The following HDAC9 variants were observed in gnomAD, a reference collection of about 807,000 sequenced individuals.
HDAC9 encodes the protein MEF-2 interacting transcription repressor (MITR) protein.
A neutral mutation model predicts 139.4 loss-of-function variants in HDAC9; 41 were observed. That is an observed-to-expected ratio of 0.29 (90% CI 0.23 to 0.38). The LOEUF is 0.38. Among genes scored for constraint, HDAC9 ranks in the 10% least tolerant of loss-of-function variants. The pLI is 1.00. For synonymous variants in HDAC9, 517 were observed against 476.2 expected (o/e 1.09, Z -1.12); for missense variants, 1,147 against 1,297.0 (o/e 0.88, Z 1.78).
intron 14 of HDAC9, among the ~76,000 whole-genome samples, chr7:18,761,773 T>C (rs1350058020): frequency 6.6e-6 from 1 of 152,216 alleles, no homozygotes; most frequent in Non-Finnish European, 1.5e-5. Context: ...ATAAAGAGTG[T>C]GTTCTAACAA....
chr7:18,496,087 A>C, intron 1 of HDAC9, 64 bp downstream of exon 1: 1 of 1,421,876 alleles, frequency 7.0e-7, no homozygotes, highest in Non-Finnish European at 9.3e-7. Flanking sequence ...AGCAGAAAGG[A>C]AATCATTGTC....
At position 18,666,444 on chromosome 7, in the gene HDAC9, G is replaced by C. The variant is rs1219077385; in HGVS notation, c.1699G>C (p.Glu567Gln). The C allele has an allele frequency of 5.6e-6, 9 of 1,611,402 alleles. No individual in the cohort carries two copies. The highest frequency in any genetic ancestry group is 2.7e-5 in the African/African-American group (2 of 74,866). Residue 567 changes from glutamate to glutamine, a missense_variant, in exon 12 of 26, where the codon GAA becomes CAA. This residue lies in a region of HDAC9 where 256 missense variants were observed against 219.2 expected (regional missense o/e 1.17). Transcript: ENST00000686413. ...TGAAGATGCTCAGATCCAGGAAATG[G>C]AATCTGGGGAGCAGGCTGCTTTTAT... ...SDEDAQIQEMESGEQAAFMQQ... is the reference protein window; with the variant it reads ...SDEDAQIQEMQSGEQAAFMQQ...
At chr7:18,211,621 A>T (rs556154369) in intron 2 of HDAC9, among the ~76,000 whole-genome samples, 2 of 152,316 alleles carry the variant, frequency 1.3e-5, no homozygotes, top group East Asian at 3.9e-4. Flanking sequence ...TAATCTGGAG[A>T]TAACTAGGTA....
At chr7:18,907,747 C>T (rs1221209347) in intron 22 of HDAC9, among the ~76,000 whole-genome samples, 1 of 150,860 alleles carries the variant, frequency 6.6e-6, no homozygotes, top group Non-Finnish European at 1.5e-5. Context: ...GAGCATGAGC[C>T]ATTCTTACAG....
chr7:18,562,393 C>T (rs1419136964), intron 2 of HDAC9, among the ~76,000 whole-genome samples: 1 of 152,124 alleles, frequency 6.6e-6, no homozygotes, highest in African/African-American at 2.4e-5. Context: ...AATCCAAAGT[C>T]ACAAAGATTT....
intron 1 of HDAC9, among the ~76,000 whole-genome samples, chr7:18,159,899 A>G (rs1562690334): frequency 6.6e-6 from 1 of 152,216 alleles, no homozygotes. Flanking sequence ...ACTTTAAAAA[A>G]GACTTGATAT....
At chr7:18,500,692 A>T (rs1013226317) in intron 2 of HDAC9, among the ~76,000 whole-genome samples, 5 of 152,144 alleles carry the variant, frequency 3.3e-5, no homozygotes, top group Admixed American at 6.6e-5. Context: ...TGGGAGAAAG[A>T]TCGATCCATA....
chr7:18,956,999 G>A (rs554088574), intron 24 of HDAC9, among the ~76,000 whole-genome samples: 4 of 152,140 alleles, frequency 2.6e-5, no homozygotes, highest in Non-Finnish European at 4.4e-5. Flanking sequence ...TCTGTAGCCA[G>A]TCCTGATGAA....
At chr7:18,800,498 T>G (rs1389794689) in intron 17 of HDAC9, among the ~76,000 whole-genome samples, 1 of 152,240 alleles carries the variant, frequency 6.6e-6, no homozygotes, top group Non-Finnish European at 1.5e-5. Flanking sequence ...TATGTTTACA[T>G]TTATTTATAC....
At chr7:18,865,472 T>C (rs1182327875) in intron 21 of HDAC9, among the ~76,000 whole-genome samples, 1 of 152,124 alleles carries the variant, frequency 6.6e-6, no homozygotes, top group African/African-American at 2.4e-5. Context: ...GCAGGACTTA[T>C]TCAGGTCTGG....
At chr7:18,733,134 TAC>T (rs1186666930) in intron 13 of HDAC9, among the ~76,000 whole-genome samples, 1 of 146,736 alleles carries the variant, frequency 6.8e-6, no homozygotes, top group African/African-American at 2.5e-5. Context: ...TGTATATATA[TAC>T]ACATGTATAC....
At chr7:18,769,453 A>G (rs1305846236) in intron 16 of HDAC9, among the ~76,000 whole-genome samples, 1 of 152,140 alleles carries the variant, frequency 6.6e-6, no homozygotes, top group Non-Finnish European at 1.5e-5. Flanking sequence ...GGGGTAGGCC[A>G]GCAGAGGCAG....
At chr7:18,145,124 G>A (rs1447406027) in intron 1 of HDAC9, among the ~76,000 whole-genome samples, 2 of 152,148 alleles carry the variant, frequency 1.3e-5, no homozygotes, top group African/African-American at 4.8e-5. Flanking sequence ...TCCCTGAGAA[G>A]CAATATTTTA....
intron 22 of HDAC9, among the ~76,000 whole-genome samples, chr7:18,924,086 C>T (rs577411955): frequency 3.4e-5 from 5 of 148,650 alleles, no homozygotes; most frequent in East Asian, 4.0e-4. Flanking sequence ...GTTTGTACTG[C>T]GGATTTTCTG....
intron 1 of HDAC9, among the ~76,000 whole-genome samples, chr7:18,381,121 C>T (rs1785393162): frequency 7.3e-6 from 1 of 136,100 alleles, no homozygotes; most frequent in South Asian, 2.3e-4. Flanking sequence ...ATTGCCTAAA[C>T]CCAGGAGGCA....
At chr7:18,715,404 T>C (rs1454422722) in intron 12 of HDAC9, among the ~76,000 whole-genome samples, 17 of 152,176 alleles carry the variant, frequency 1.1e-4, no homozygotes. Flanking sequence ...AAAAGATATT[T>C]GGAATATCTT....
chr7:18,914,653 G>A (rs1454863089), intron 22 of HDAC9, among the ~76,000 whole-genome samples: 1 of 152,002 alleles, frequency 6.6e-6, no homozygotes, highest in Non-Finnish European at 1.5e-5. Context: ...GTATGAGCTG[G>A]CTTTAGCACA....
chr7:18,292,605 TA>T lies in HDAC9; in HGVS notation c.-42+2099del, dbSNP rs907861892. ...AAAAAGTAAATATTGAACTGACAGG[TA>T]AAAAAAAAGAAATGCTCTTTTAGTA... On this transcript the variant is annotated intron_variant, in intron 1 of 3. Coordinates refer to the HDAC9 transcript ENST00000413509. 5.6e-3 allele frequency among the ~76,000 whole-genome samples: 847 copies of T among 151,194 alleles called. 9 individuals are homozygous for T. The highest frequency in any genetic ancestry group is 0.019 in the African/African-American group (793 of 41,234).
chr7:18,806,164 G>A (rs1793689388), intron 17 of HDAC9, among the ~76,000 whole-genome samples: 1 of 152,170 alleles, frequency 6.6e-6, no homozygotes, highest in Non-Finnish European at 1.5e-5. Context: ...GCTTGGAGAA[G>A]AATAATCCCA....
Sources: allele counts gnomAD v4.1 joint callset (sites outside exome capture counted in the v4.1 genomes callset), GRCh38; gene constraint gnomAD v4.1.1; regional missense constraint gnomAD v4.1.1; transcripts MANE v1.5; gene names NCBI Gene and HGNC (gene_info 2026-07-23, HGNC 2026-07-21).